Variants in IMMP2L observed in about 807,000 individuals in gnomAD.
IMMP2L encodes mitochondrial inner membrane protease subunit 2.
Under a neutral mutation model 19.3 loss-of-function variants are expected in IMMP2L, and 18 were observed. The observed-to-expected ratio is 0.93, with a 90% confidence interval of 0.64 to 1.38. The LOEUF (loss-of-function observed/expected upper bound fraction) is 1.38. Ranked by LOEUF, IMMP2L falls within the 40% of genes most tolerant of loss-of-function variation. The pLI is 0.00. For missense variants in IMMP2L, 233 were observed against 218.2 expected, an observed-to-expected ratio of 1.07 and a Z score of -0.43; for synonymous variants, 76 against 73.0, an observed-to-expected ratio of 1.04 and a Z score of -0.21.
chr7:111,382,719 GA>G (rs1464687842), intron 3 of IMMP2L, among the ~76,000 whole-genome samples: 1 of 152,044 alleles, frequency 6.6e-6, no homozygotes, highest in Non-Finnish European at 1.5e-5. Context: ...AGAAGACCTA[GA>G]ACACAGATGG....
At chr7:111,050,130 T>C (rs553362697) in intron 3 of IMMP2L, among the ~76,000 whole-genome samples, 3 of 152,346 alleles carry the variant, frequency 2.0e-5, no homozygotes, top group South Asian at 4.1e-4. Flanking sequence ...AAATGAAGTA[T>C]ATAATAGGCA....
intron 4 of IMMP2L, among the ~76,000 whole-genome samples, chr7:110,940,989 C>T (rs1816680125): frequency 6.6e-6 from 1 of 152,180 alleles, no homozygotes; most frequent in Non-Finnish European, 1.5e-5. Context: ...CCAATCATCA[C>T]TGCTGACATT....
intron 3 of IMMP2L, among the ~76,000 whole-genome samples, chr7:111,121,879 C>T (rs947590209): frequency 2.0e-5 from 3 of 152,074 alleles, no homozygotes; most frequent in Non-Finnish European, 4.4e-5. Flanking sequence ...AAATATACAC[C>T]ATGGAATACT....
chr7:111,006,318 T>C (rs770791025), intron 3 of IMMP2L, among the ~76,000 whole-genome samples: 4 of 152,128 alleles, frequency 2.6e-5, no homozygotes, highest in African/African-American at 4.8e-5. Flanking sequence ...GGCAAGGATA[T>C]AGGAGAGGGA....
intron 3 of IMMP2L, among the ~76,000 whole-genome samples, chr7:111,021,281 C>A (rs4730473): frequency 0.7 from 105,944 of 152,110 alleles, 37,536 homozygotes; most frequent in African/African-American, 0.78. Flanking sequence ...CTTTTCTCTT[C>A]TATTTAGCAA....
Position 111,093,611 on chromosome 7 carries a change from A to T in IMMP2L, c.240-130046T>A, listed in dbSNP as rs115557085. ...CCTAAGAACAGTGGATTCACTCTTT[A>T]ACCTTAGTAAAGCTCACATACATAT... On this transcript the variant is annotated intron_variant, in intron 3 of 5. Coordinates refer to ENST00000405709, the MANE Select transcript of IMMP2L (RefSeq NM_032549.4). 5.6e-3 allele frequency among the ~76,000 whole-genome samples: 853 copies of T among 152,318 alleles called. 14 individuals are homozygous for T. The highest frequency in any genetic ancestry group is 0.02 in the African/African-American group (819 of 41,566).
At chr7:111,436,520 C>CAT in intron 3 of IMMP2L, among the ~76,000 whole-genome samples, 1 of 151,016 alleles carries the variant, frequency 6.6e-6, no homozygotes, top group Non-Finnish European at 1.5e-5. Context: ...TACACACACA[C>CAT]ATACACACAC....
intron 3 of IMMP2L, among the ~76,000 whole-genome samples, chr7:111,382,538 A>G (rs115166973): frequency 0.028 from 4,198 of 152,176 alleles, 225 homozygotes; most frequent in African/African-American, 0.096. Flanking sequence ...AAAATAATAA[A>G]GTAGTGAGCA....
chr7:111,237,080 A>C (rs1814416718), intron 3 of IMMP2L, among the ~76,000 whole-genome samples: 1 of 152,182 alleles, frequency 6.6e-6, no homozygotes, highest in Non-Finnish European at 1.5e-5. Flanking sequence ...TCAAATGGAC[A>C]AAAAAGAACA....
intron 3 of IMMP2L, among the ~76,000 whole-genome samples, chr7:111,357,708 G>T (rs1430714074): frequency 4.6e-5 from 7 of 151,946 alleles, no homozygotes; most frequent in Admixed American, 2.0e-4. Context: ...CTATCAAACT[G>T]GTTTTAATGA....
chr7:110,986,508 G>A (rs1235149989), intron 3 of IMMP2L, among the ~76,000 whole-genome samples: 1 of 152,140 alleles, frequency 6.6e-6, no homozygotes, highest in Non-Finnish European at 1.5e-5. Flanking sequence ...AAACAGGACA[G>A]GTTGTGGGGA....
intron 1 of IMMP2L, among the ~76,000 whole-genome samples, chr7:111,522,543 A>G (rs946897964): frequency 6.6e-6 from 1 of 152,134 alleles, no homozygotes; most frequent in Non-Finnish European, 1.5e-5. Flanking sequence ...GCCAACAGGT[A>G]TATGAAAAGA....
intron 3 of IMMP2L, among the ~76,000 whole-genome samples, chr7:111,349,895 G>A (rs1033251702): frequency 4.0e-5 from 6 of 151,520 alleles, no homozygotes; most frequent in Admixed American, 2.0e-4. Context: ...AAGAGTCCCC[G>A]ACCCACACCC....
At chr7:110,799,819 G>A (rs527532140) in intron 5 of IMMP2L, among the ~76,000 whole-genome samples, 3 of 152,152 alleles carry the variant, frequency 2.0e-5, no homozygotes, top group East Asian at 1.9e-4. Context: ...TCTGAATTAC[G>A]AATTCCACTG....
intron 5 of IMMP2L, among the ~76,000 whole-genome samples, chr7:110,766,972 C>T (rs756250261): frequency 6.6e-6 from 1 of 151,938 alleles, no homozygotes; most frequent in South Asian, 2.1e-4. Flanking sequence ...ATCCTGTCTG[C>T]GTGAGGGGAG....
chr7:110,807,289 G>C (rs917601820), intron 5 of IMMP2L, among the ~76,000 whole-genome samples: 2 of 151,968 alleles, frequency 1.3e-5, no homozygotes, highest in African/African-American at 4.8e-5. Context: ...GTCAAATACA[G>C]TATGTTCATT....
intron 3 of IMMP2L, among the ~76,000 whole-genome samples, chr7:111,481,909 T>A (rs575081094): frequency 6.6e-6 from 1 of 152,266 alleles, no homozygotes; most frequent in African/African-American, 2.4e-5. Flanking sequence ...AAAGGAAGAA[T>A]CAGCCAGATG....
chr7:111,079,284 A>T (rs947001568), intron 3 of IMMP2L, among the ~76,000 whole-genome samples: 1 of 145,098 alleles, frequency 6.9e-6, no homozygotes. Flanking sequence ...CGCCCGGCTA[A>T]TTTTTTGTAT....
chr7:111,242,568 T>A (rs1283835876), intron 3 of IMMP2L, among the ~76,000 whole-genome samples: 2 of 152,086 alleles, frequency 1.3e-5, no homozygotes, highest in South Asian at 2.1e-4. Context: ...ACCACCCACG[T>A]ACTTTTTGCA....
Sources: allele counts gnomAD v4.1 joint callset (sites outside exome capture counted in the v4.1 genomes callset), GRCh38; gene constraint gnomAD v4.1.1; transcripts MANE v1.5; gene names NCBI Gene and HGNC (gene_info 2026-07-23, HGNC 2026-07-21).